Variants in DCC observed in about 807,000 individuals in gnomAD.
The protein encoded by DCC is netrin receptor DCC.
A neutral mutation model predicts 172.5 loss-of-function variants in DCC; 58 were observed. The observed-to-expected ratio is 0.34, with a 90% CI of 0.27 to 0.42. DCC has a LOEUF of 0.42. Among genes scored for constraint, DCC ranks in the 10% least tolerant of loss-of-function variants. The pLI, the probability that DCC is intolerant of heterozygous loss-of-function variation, is 1.00. For missense variants in DCC, 1,740 were observed against 1,791.0 expected (o/e 0.97, Z 0.51); for synonymous variants, 709 against 644.5 (o/e 1.10, Z -1.52).
chr18:52,893,866 G>A (rs998278046), intron 2 of DCC, among the ~76,000 whole-genome samples: 1 of 151,848 alleles, frequency 6.6e-6, no homozygotes, highest in African/African-American at 2.4e-5. Flanking sequence ...GAAGATCACA[G>A]TACTTCTGTA....
intron 12 of DCC, among the ~76,000 whole-genome samples, chr18:53,276,048 G>T (rs1363192679): frequency 6.6e-6 from 1 of 151,998 alleles, no homozygotes; most frequent in African/African-American, 2.4e-5. Flanking sequence ...GAGGAAAATG[G>T]CAAGCCTGGC....
chr18:52,755,958 GA>G (rs1157274484), intron 2 of DCC, among the ~76,000 whole-genome samples: 1 of 152,156 alleles, frequency 6.6e-6, no homozygotes, highest in East Asian at 1.9e-4. Context: ...CACTTGGCTG[GA>G]GAGGGAAGGA....
intron 5 of DCC, among the ~76,000 whole-genome samples, chr18:52,982,823 G>T (rs998482451): frequency 6.6e-6 from 1 of 152,166 alleles, no homozygotes; most frequent in Non-Finnish European, 1.5e-5. Flanking sequence ...TCAGCTTTAT[G>T]AGGACTGTAG....
At chr18:53,333,533 A>G (rs542531691) in intron 14 of DCC, among the ~76,000 whole-genome samples, 1 of 152,290 alleles carries the variant, frequency 6.6e-6, no homozygotes, top group African/African-American at 2.4e-5. Flanking sequence ...GGCACAGACA[A>G]ATCTTGCTGT....
At chr18:52,863,136 A>G (rs898861919) in intron 2 of DCC, among the ~76,000 whole-genome samples, 1 of 152,050 alleles carries the variant, frequency 6.6e-6, no homozygotes, top group Admixed American at 6.6e-5. Flanking sequence ...ACAATTTACA[A>G]CAACTTTTAA....
At chr18:52,874,078 T>A (rs1166889378) in intron 2 of DCC, among the ~76,000 whole-genome samples, 1 of 152,142 alleles carries the variant, frequency 6.6e-6, no homozygotes, top group Non-Finnish European at 1.5e-5. Flanking sequence ...AAAATCCACA[T>A]TTTGTTTGAG....
At chr18:52,415,330 G>A (rs1474310498) in intron 1 of DCC, among the ~76,000 whole-genome samples, 4 of 152,192 alleles carry the variant, frequency 2.6e-5, no homozygotes, top group Non-Finnish European at 5.9e-5. Context: ...AGAGTGGCGA[G>A]ACACTCTGGA....
intron 5 of DCC, among the ~76,000 whole-genome samples, chr18:52,960,527 A>C (rs1377344529): frequency 6.6e-6 from 1 of 152,058 alleles, no homozygotes; most frequent in African/African-American, 2.4e-5. Context: ...ATCATCTTTA[A>C]AAAATTGACC....
intron 7 of DCC, among the ~76,000 whole-genome samples, chr18:53,145,058 T>G (rs1247454738): frequency 6.6e-6 from 1 of 151,096 alleles, no homozygotes; most frequent in Non-Finnish European, 1.5e-5. Context: ...TGTGGTGGTA[T>G]TAAGTGGTGG....
At chr18:52,646,719 C>A (rs2035026525) in intron 1 of DCC, among the ~76,000 whole-genome samples, 1 of 152,170 alleles carries the variant, frequency 6.6e-6, no homozygotes, top group African/African-American at 2.4e-5. Flanking sequence ...GGATCCCAAG[C>A]ACAGGAACTT....
At chr18:52,736,226 G>C (rs1361235933) in intron 1 of DCC, among the ~76,000 whole-genome samples, 1 of 149,952 alleles carries the variant, frequency 6.7e-6, no homozygotes, top group Non-Finnish European at 1.5e-5. Context: ...ACCTTTCCCT[G>C]ACCAATAGGA....
intron 2 of DCC, among the ~76,000 whole-genome samples, chr18:52,785,511 C>T (rs866177160): frequency 2.6e-5 from 4 of 152,152 alleles, no homozygotes; most frequent in African/African-American, 7.2e-5. Flanking sequence ...TTTCTGGCTA[C>T]TTCCTGCTGA....
intron 5 of DCC, among the ~76,000 whole-genome samples, chr18:52,983,346 T>C (rs1454707393): frequency 1.3e-5 from 2 of 152,170 alleles, no homozygotes; most frequent in African/African-American, 2.4e-5. Context: ...CAGACCAACA[T>C]GCTAATATAA....
chr18:53,300,835 G>T (rs2057125314), intron 12 of DCC, among the ~76,000 whole-genome samples: 1 of 151,740 alleles, frequency 6.6e-6, no homozygotes, highest in Non-Finnish European at 1.5e-5. Flanking sequence ...CTAATTTGTG[G>T]TAGATCTGGA....
chr18:53,281,449 T>G (rs766858781), intron 12 of DCC, among the ~76,000 whole-genome samples: 8 of 152,152 alleles, frequency 5.3e-5, no homozygotes, highest in African/African-American at 7.2e-5. Flanking sequence ...ATATTTCTTT[T>G]GCTGAGAACT....
intron 1 of DCC, among the ~76,000 whole-genome samples, chr18:52,428,722 T>A (rs1471869929): frequency 1.3e-5 from 2 of 152,202 alleles, no homozygotes; most frequent in East Asian, 1.9e-4. Context: ...TATTATAATT[T>A]TTAAAATCTT....
chr18:52,400,459 G>A (rs1986391270), intron 1 of DCC, among the ~76,000 whole-genome samples: 3 of 152,078 alleles, frequency 2.0e-5, no homozygotes, highest in South Asian at 2.1e-4. Flanking sequence ...TGCTGGAGAG[G>A]ATGTGGAGAA....
chr18:53,021,796 A>G (rs2041885319), intron 5 of DCC, among the ~76,000 whole-genome samples: 1 of 152,200 alleles, frequency 6.6e-6, no homozygotes, highest in Non-Finnish European at 1.5e-5. Flanking sequence ...AATAACTTGG[A>G]TGACTTGATG....
At chr18:53,405,287 T>C (rs1036606180) in intron 19 of DCC, among the ~76,000 whole-genome samples, 1 of 152,124 alleles carries the variant, frequency 6.6e-6, no homozygotes, top group Non-Finnish European at 1.5e-5. Context: ...TATTGTTTTG[T>C]TTTCCTAAAT....
Sources: gnomAD v4.1 joint callset for allele counts (sites outside exome capture counted in the v4.1 genomes callset) on GRCh38, gnomAD v4.1.1 for gene constraint, MANE v1.5 for transcripts, NCBI Gene and HGNC (gene_info 2026-07-23, HGNC 2026-07-21) for gene names.